MKLN1: variants seen among roughly 807,000 people sequenced by gnomAD.
The protein encoded by MKLN1 is muskelin 1, also known as muskelin.
MKLN1 carries 18 observed loss-of-function variants against 99.0 expected under a neutral mutation model. The ratio of observed to expected loss-of-function variants is 0.18; its 90% CI spans 0.13 to 0.27. MKLN1 has a LOEUF of 0.27. Ranked by LOEUF, MKLN1 falls within the 10% of genes least tolerant of loss-of-function variation. The probability of loss-of-function intolerance (pLI) is 1.00; values close to 1 mark genes in which losing one functional copy is unlikely to be tolerated. For missense variants in MKLN1, 621 were observed against 875.9 expected (o/e 0.71, Z 3.67); for synonymous variants, 288 against 293.2 (o/e 0.98, Z 0.18).
chr7:131,135,429 C>T (rs1337057410), intron 1 of MKLN1, among the ~76,000 whole-genome samples: 2 of 152,200 alleles, frequency 1.3e-5, no homozygotes, highest in Non-Finnish European at 2.9e-5. Context: ...CTCTCTTCCA[C>T]TTCCGCGTCA....
At chr7:131,412,295 T>C (rs1278455907) in intron 7 of MKLN1, among the ~76,000 whole-genome samples, 1 of 152,220 alleles carries the variant, frequency 6.6e-6, no homozygotes, top group Non-Finnish European at 1.5e-5. Context: ...TGTAAAATTA[T>C]AGGCTGTGTT....
chr7:131,420,931 C>T lies in MKLN1; in HGVS notation c.847+6221C>T, dbSNP rs115781112. Among the ~76,000 whole-genome samples, 879 of 152,184 alleles carry T rather than the reference C, an allele frequency of 5.8e-3. 8 individuals carry two copies. Among genetic ancestry groups the T allele is most frequent in the African/African-American group, 0.021 (852 of 41,504 alleles). ...AACTGTATTCAGATACTGCTGTAAA[C>T]CTTGATAAGTAGATCAGGTTATTAT... On this transcript the variant is annotated intron_variant, in intron 8 of 17. Transcript: ENST00000352689.
chr7:131,371,717 T>C (rs1321912930), intron 1 of MKLN1, among the ~76,000 whole-genome samples: 1 of 151,928 alleles, frequency 6.6e-6, no homozygotes, highest in African/African-American at 2.4e-5. Flanking sequence ...GTAACATTAT[T>C]CTTTACCACT....
chr7:131,132,695 C>A (rs751435815), intron 1 of MKLN1, among the ~76,000 whole-genome samples: 13 of 151,576 alleles, frequency 8.6e-5, no homozygotes, highest in Non-Finnish European at 1.0e-4. Context: ...AGGCCGAGGC[C>A]GGTGGATCAC....
chr7:131,164,357 T>C (rs1796094592), intron 2 of MKLN1, among the ~76,000 whole-genome samples: 1 of 152,156 alleles, frequency 6.6e-6, no homozygotes, highest in African/African-American at 2.4e-5. Context: ...TCAAGCAATC[T>C]GCCTGCCTTG....
intron 2 of MKLN1, among the ~76,000 whole-genome samples, chr7:131,181,433 C>T (rs745746929): frequency 2.0e-5 from 3 of 152,106 alleles, no homozygotes; most frequent in Admixed American, 6.6e-5. Context: ...TCAGGCCAGG[C>T]GCAGTGACTC....
At chr7:131,162,408 T>C (rs1228415016) in intron 2 of MKLN1, among the ~76,000 whole-genome samples, 2 of 152,174 alleles carry the variant, frequency 1.3e-5, no homozygotes, top group African/African-American at 4.8e-5. Flanking sequence ...GAGAAAATGA[T>C]TGCTTATCAG....
chr7:131,231,491 A>C (rs1323187657), intron 3 of MKLN1, among the ~76,000 whole-genome samples: 1 of 152,172 alleles, frequency 6.6e-6, no homozygotes, highest in Non-Finnish European at 1.5e-5. Context: ...GGTTCCAATC[A>C]GAGAACTGAC....
chr7:131,119,911 G>A (rs933458058), intron 1 of MKLN1, among the ~76,000 whole-genome samples: 2 of 152,132 alleles, frequency 1.3e-5, no homozygotes, highest in Non-Finnish European at 2.9e-5. Context: ...TCTGCTGCAT[G>A]GTCAGGCTGC....
rs796102760 is a variant in MKLN1 at position 131,173,968 on chromosome 7, C to CTTTTTTTTT, written c.-296-28884_-296-28883insTTTTTTTTT. 2.6e-4 allele frequency among the ~76,000 whole-genome samples: 31 copies of CTTTTTTTTT among 118,652 alleles called. 3 individuals carry two copies. Among genetic ancestry groups the CTTTTTTTTT allele is most frequent in the African/African-American group, 7.3e-4 (24 of 32,880 alleles). The allele number at this position is 118,652 out of a possible 152,430, so 77.8% of individuals were successfully genotyped here. A position where few individuals can be genotyped will look rare whatever the true frequency, so the allele number is the denominator to read the frequency against. On this transcript the variant is annotated intron_variant, in intron 2 of 7. Coordinates refer to the MKLN1 transcript ENST00000416992. ...TTCTCCAGAGTTTAAAGACCTTTTT[C>CTTTTTTTTT]TTTTTCTTTTTTTTTTTTTTTTGAG...
At position 131,456,764 on chromosome 7, in the gene MKLN1, T is replaced by C. The variant is rs147403985; in HGVS notation, c.1526-6453T>C. 5.5e-3 allele frequency among the ~76,000 whole-genome samples: 840 copies of C among 152,268 alleles called. 2 individuals carry two copies. The highest frequency in any genetic ancestry group is 8.5e-3 in the Non-Finnish European group (575 of 68,002). On this transcript the variant is annotated intron_variant, in intron 12 of 17. Coordinates refer to ENST00000352689, the MANE Select transcript of MKLN1 (RefSeq NM_013255.5). ...GACATGATTCTTGGTTCTTTGTGCT[T>C]ATGCTTCAGAACCCTATGACTTTTC...
intron 17 of MKLN1, among the ~76,000 whole-genome samples, chr7:131,482,291 C>T (rs527901218): frequency 2.2e-4 from 33 of 152,214 alleles, no homozygotes; most frequent in African/African-American, 5.3e-4. Flanking sequence ...ACTTCCTGGG[C>T]TCAAGCAATC....
At chr7:131,266,301 A>G (rs184513737) in intron 3 of MKLN1, among the ~76,000 whole-genome samples, 44 of 152,246 alleles carry the variant, frequency 2.9e-4, no homozygotes, top group South Asian at 1.2e-3. Flanking sequence ...GTTTCTTGCA[A>G]TAGTTGTGGG....
intron 3 of MKLN1, among the ~76,000 whole-genome samples, chr7:131,299,394 C>T (rs1024781999): frequency 2.6e-5 from 4 of 152,098 alleles, no homozygotes; most frequent in African/African-American, 9.7e-5. Flanking sequence ...GGGGCCAATA[C>T]AGGAAATTAT....
chr7:131,346,469 C>G (rs1277491070), intron 1 of MKLN1, among the ~76,000 whole-genome samples: 1 of 151,448 alleles, frequency 6.6e-6, no homozygotes, highest in Non-Finnish European at 1.5e-5. Context: ...TTGCAGTGAG[C>G]TGAGATTGCA....
chr7:131,180,406 A>C (rs1796361603), intron 2 of MKLN1, among the ~76,000 whole-genome samples: 1 of 152,226 alleles, frequency 6.6e-6, no homozygotes, highest in African/African-American at 2.4e-5. Context: ...TGTTTTATGA[A>C]AGCTGTTTAA....
At chr7:131,123,207 A>G (rs1795403323) in intron 1 of MKLN1, among the ~76,000 whole-genome samples, 1 of 152,150 alleles carries the variant, frequency 6.6e-6, no homozygotes, top group Admixed American at 6.5e-5. Flanking sequence ...CAATATTTAA[A>G]ATGTTATGCC....
chr7:131,440,187 A>G (rs1208845820), intron 10 of MKLN1, among the ~76,000 whole-genome samples: 1 of 152,194 alleles, frequency 6.6e-6, no homozygotes, highest in Non-Finnish European at 1.5e-5. Flanking sequence ...CAGAGGTGAT[A>G]TGTGTCAGAA....
At chr7:131,363,873 T>G (rs1800100861) in intron 1 of MKLN1, among the ~76,000 whole-genome samples, 1 of 152,064 alleles carries the variant, frequency 6.6e-6, no homozygotes, top group South Asian at 2.1e-4. Flanking sequence ...CTGCTGCTTG[T>G]CATTTGAATG....
Sources: allele counts gnomAD v4.1 joint callset (sites outside exome capture counted in the v4.1 genomes callset), GRCh38; gene constraint gnomAD v4.1.1; transcripts MANE v1.5; gene names NCBI Gene and HGNC (gene_info 2026-07-23, HGNC 2026-07-21).